Variants in GRB14 observed in about 807,000 individuals in gnomAD.
GRB14 encodes growth factor receptor-bound protein 14.
Under a neutral mutation model 69.1 loss-of-function variants are expected in GRB14, and 38 were observed. The observed-to-expected ratio is 0.55, with a 90% CI of 0.42 to 0.72. The LOEUF is 0.72. Ranked by LOEUF, GRB14 falls within the 30% of genes least tolerant of loss-of-function variation. The pLI is 0.00. For synonymous variants in GRB14, 247 were observed against 241.3 expected, an observed-to-expected ratio of 1.02 and a Z score of -0.22; for missense variants, 666 against 666.1, an observed-to-expected ratio of 1.00 and a Z score of 0.00.
At chr2:164,533,959 G>A (rs1443366672) in intron 3 of GRB14, among the ~76,000 whole-genome samples, 1 of 152,114 alleles carries the variant, frequency 6.6e-6, no homozygotes, top group African/African-American at 2.4e-5. Context: ...CTATAAAACT[G>A]AGTATTTACA....
At chr2:164,591,852 TA>T (rs1369469051) in intron 2 of GRB14, among the ~76,000 whole-genome samples, 4 of 152,146 alleles carry the variant, frequency 2.6e-5, no homozygotes, top group African/African-American at 7.2e-5. Context: ...GTAGCTACCA[TA>T]ATTCCCTTGT....
At chr2:164,521,378 G>T (rs1687630380) in intron 6 of GRB14, among the ~76,000 whole-genome samples, 1 of 152,022 alleles carries the variant, frequency 6.6e-6, no homozygotes, top group African/African-American at 2.4e-5. Context: ...AGGTGGGAGG[G>T]GGTGAAGGAT....
intron 2 of GRB14, among the ~76,000 whole-genome samples, chr2:164,566,616 C>A (rs1272543259): frequency 1.3e-5 from 2 of 152,050 alleles, no homozygotes; most frequent in Non-Finnish European, 2.9e-5. Flanking sequence ...GCAAACAGTG[C>A]TAGAAGTTAT....
At position 164,550,895 on chromosome 2, in the gene GRB14, A is replaced by T. The variant is rs557217322; in HGVS notation, c.325-3079T>A. On this transcript the variant is annotated intron_variant, in intron 2 of 13. Coordinates refer to ENST00000263915, the MANE Select transcript of GRB14 (RefSeq NM_004490.3). ...CCTACTCCTCTTCTGATAGATAGAT[A>T]CATTTCCTTTTAGAGTACCACTCCC... 5.9e-5 allele frequency among the ~76,000 whole-genome samples: 9 copies of T among 152,286 alleles called. No homozygotes were observed. The South Asian group carries it at 1.7e-3, about 28-fold the overall frequency.
At chr2:164,611,071 A>G (rs1047450815) in intron 2 of GRB14, among the ~76,000 whole-genome samples, 10 of 152,148 alleles carry the variant, frequency 6.6e-5, no homozygotes, top group African/African-American at 2.4e-4. Flanking sequence ...TAAGTTCACA[A>G]ATAGATAGGA....
At chr2:164,550,668 GGCA>G (rs1688511403) in intron 2 of GRB14, among the ~76,000 whole-genome samples, 1 of 151,788 alleles carries the variant, frequency 6.6e-6, no homozygotes, top group Non-Finnish European at 1.5e-5. Flanking sequence ...AATGGCTTTA[GGCA>G]TTACATGTCC....
intron 6 of GRB14, among the ~76,000 whole-genome samples, chr2:164,520,682 CA>C (rs1687613171): frequency 6.6e-6 from 1 of 151,728 alleles, no homozygotes; most frequent in African/African-American, 2.4e-5. Context: ...AGAATCCCAT[CA>C]AAAAGTACGC....
intron 2 of GRB14, among the ~76,000 whole-genome samples, chr2:164,583,162 GT>G (rs1352143526): frequency 2.6e-5 from 4 of 152,110 alleles, no homozygotes; most frequent in Non-Finnish European, 5.9e-5. Context: ...ATTTAACCCT[GT>G]TTATCACTAA....
At chr2:164,496,707 C>A (rs1686908000) in intron 12 of GRB14, among the ~76,000 whole-genome samples, 1 of 152,106 alleles carries the variant, frequency 6.6e-6, no homozygotes, top group African/African-American at 2.4e-5. Flanking sequence ...TTTCCCCCAT[C>A]AATTGATATC....
At chr2:164,611,372 T>C (rs1690162945) in intron 2 of GRB14, among the ~76,000 whole-genome samples, 1 of 151,966 alleles carries the variant, frequency 6.6e-6, no homozygotes, top group African/African-American at 2.4e-5. Flanking sequence ...GCAGCAGAGA[T>C]GGGGAGATGT....
chr2:164,530,667 G>A (rs1687907067), intron 3 of GRB14, among the ~76,000 whole-genome samples: 2 of 152,102 alleles, frequency 1.3e-5, no homozygotes, highest in African/African-American at 2.4e-5. Context: ...AGAAAGGCTG[G>A]TATGTTTGAA....
At chr2:164,602,156 GGAAGGGAAGA>G (rs1217295744) in intron 2 of GRB14, among the ~76,000 whole-genome samples, 45 of 151,326 alleles carry the variant, frequency 3.0e-4, no homozygotes, top group Middle Eastern at 3.4e-3. Flanking sequence ...AGGAAAGGAG[GGAAGGGAAGA>G]GAAGGGAAGA....
At chr2:164,534,544 ATGT>A (rs1319528546) in intron 3 of GRB14, among the ~76,000 whole-genome samples, 2 of 152,190 alleles carry the variant, frequency 1.3e-5, no homozygotes, top group Non-Finnish European at 2.9e-5. Flanking sequence ...AGGAGGTGAA[ATGT>A]TGCTGAAGAC....
intron 2 of GRB14, among the ~76,000 whole-genome samples, chr2:164,605,096 T>C (rs1032463159): frequency 6.6e-6 from 1 of 152,144 alleles, no homozygotes; most frequent in African/African-American, 2.4e-5. Context: ...AGAAAACTAC[T>C]AAAAATAGAG....
At chr2:164,592,227 C>T (rs749900463) in intron 2 of GRB14, among the ~76,000 whole-genome samples, 9 of 152,076 alleles carry the variant, frequency 5.9e-5, no homozygotes, top group Admixed American at 1.3e-4. Context: ...CTCCGCCTCC[C>T]GGGTTCACGC....
At chr2:164,502,385 T>A in intron 8 of GRB14, 50 bp from the exon 9 acceptor site, 1 of 991,602 alleles carries the variant, frequency 1.0e-6, no homozygotes, top group Non-Finnish European at 1.6e-6. Context: ...ACTACTCTGA[T>A]AATCTATGAA....
intron 3 of GRB14, among the ~76,000 whole-genome samples, chr2:164,529,234 T>C (rs1004251785): frequency 1.3e-5 from 2 of 152,148 alleles, no homozygotes; most frequent in Non-Finnish European, 2.9e-5. Context: ...GAAAGTAGAA[T>C]GGTGGCTGCC....
intron 2 of GRB14, among the ~76,000 whole-genome samples, chr2:164,614,948 C>G (rs1380444921): frequency 1.3e-5 from 2 of 151,978 alleles, no homozygotes; most frequent in East Asian, 3.9e-4. Flanking sequence ...AAATAAAAGG[C>G]CGAGCATATG....
chr2:164,594,737 C>A (rs1342740260), intron 2 of GRB14, among the ~76,000 whole-genome samples: 1 of 152,204 alleles, frequency 6.6e-6, no homozygotes, highest in Non-Finnish European at 1.5e-5. Context: ...TATGGCTAGA[C>A]ATTTTTTACC....
Sources: gnomAD v4.1 joint callset for allele counts (sites outside exome capture counted in the v4.1 genomes callset) on GRCh38, gnomAD v4.1.1 for gene constraint, MANE v1.5 for transcripts, NCBI Gene and HGNC (gene_info 2026-07-23, HGNC 2026-07-21) for gene names.